ADAMTSL1: variants seen among roughly 807,000 people sequenced by gnomAD.
The protein encoded by ADAMTSL1 is ADAMTS-like protein 1.
In ADAMTSL1, 126 loss-of-function variants were observed where a neutral mutation model predicts 201.8. The observed-to-expected ratio is 0.62, with a 90% CI of 0.54 to 0.72. ADAMTSL1 has a LOEUF of 0.72. Among genes scored for constraint, ADAMTSL1 ranks in the 30% least tolerant of loss-of-function variants. The probability of loss-of-function intolerance (pLI) is 0.00; values close to 1 mark genes in which losing one functional copy is unlikely to be tolerated. For synonymous variants in ADAMTSL1, 1,121 were observed against 903.4 expected (o/e 1.24, Z -4.32); for missense variants, 2,679 against 2,277.8 (o/e 1.18, Z -3.59).
At chr9:17,921,955 A>G (rs1826319232) in intron 1 of ADAMTSL1, among the ~76,000 whole-genome samples, 1 of 152,126 alleles carries the variant, frequency 6.6e-6, no homozygotes, top group East Asian at 1.9e-4. Flanking sequence ...ATTTTATTTT[A>G]TACATTTTGA....
At chr9:18,226,125 C>A (rs1291285488) in intron 2 of ADAMTSL1, among the ~76,000 whole-genome samples, 1 of 152,138 alleles carries the variant, frequency 6.6e-6, no homozygotes, top group African/African-American at 2.4e-5. Context: ...GTCCAACTAG[C>A]AGCAGACAAA....
intron 1 of ADAMTSL1, among the ~76,000 whole-genome samples, chr9:18,062,496 A>G (rs542394915): frequency 4.6e-5 from 7 of 152,296 alleles, no homozygotes; most frequent in South Asian, 4.1e-4. Flanking sequence ...TATTTGGCAA[A>G]TACTTACTAA....
chr9:18,285,271 T>G (rs1357944428), intron 2 of ADAMTSL1, among the ~76,000 whole-genome samples: 1 of 152,172 alleles, frequency 6.6e-6, no homozygotes, highest in African/African-American at 2.4e-5. Flanking sequence ...TTATTGAATT[T>G]TACTATATTC....
chr9:18,142,419 G>T (rs147124491), intron 1 of ADAMTSL1, among the ~76,000 whole-genome samples: 14 of 152,172 alleles, frequency 9.2e-5, no homozygotes, highest in African/African-American at 3.1e-4. Context: ...CATAATATGC[G>T]TTCTTTAAAA....
chr9:18,096,019 G>T (rs1436606675), intron 1 of ADAMTSL1, among the ~76,000 whole-genome samples: 2 of 152,126 alleles, frequency 1.3e-5, no homozygotes, highest in East Asian at 3.9e-4. Context: ...TTCATTTCTG[G>T]TTGTCAGGAG....
At chr9:18,286,092 A>G (rs1203062144) in intron 2 of ADAMTSL1, among the ~76,000 whole-genome samples, 1 of 152,130 alleles carries the variant, frequency 6.6e-6, no homozygotes, top group African/African-American at 2.4e-5. Context: ...AGTACTGTTT[A>G]AATAAGAAAA....
At chr9:18,534,732 A>C (rs533440426) in intron 3 of ADAMTSL1, among the ~76,000 whole-genome samples, 1 of 152,184 alleles carries the variant, frequency 6.6e-6, no homozygotes, top group Non-Finnish European at 1.5e-5. Flanking sequence ...CCAAACCTCA[A>C]TTCTTCTGCA....
chr9:18,716,095 A>G (rs2133387308), intron 14 of ADAMTSL1, among the ~76,000 whole-genome samples: 2 of 151,432 alleles, frequency 1.3e-5, no homozygotes, highest in Non-Finnish European at 3.0e-5. Flanking sequence ...TTCAAGATGG[A>G]TTAAAGACTT....
chr9:18,629,450 A>G (rs1300709431), intron 5 of ADAMTSL1, among the ~76,000 whole-genome samples: 3 of 152,306 alleles, frequency 2.0e-5, no homozygotes, highest in African/African-American at 7.2e-5. Context: ...AGTTAATAAC[A>G]TGAAGGGATG....
At chr9:17,994,451 T>A (rs1362387089) in intron 1 of ADAMTSL1, among the ~76,000 whole-genome samples, 1 of 152,184 alleles carries the variant, frequency 6.6e-6, no homozygotes, top group Non-Finnish European at 1.5e-5. Flanking sequence ...TAAGACATTT[T>A]CATTGGGAAT....
chr9:18,448,542 A>G (rs1820284688), intron 2 of ADAMTSL1, among the ~76,000 whole-genome samples: 1 of 152,250 alleles, frequency 6.6e-6, no homozygotes, highest in Admixed American at 6.5e-5. Context: ...TTTAAAATTC[A>G]TCATCATAAG....
chr9:18,244,096 TGTGTGTGTGTGTGTAC>T lies in ADAMTSL1; in HGVS notation c.207+80130_207+80145del, dbSNP rs780484783. On this transcript the variant is annotated intron_variant, in intron 2 of 29. Coordinates refer to the ADAMTSL1 transcript ENST00000680146. ...ATAGAGAGAAATGATTTTGTGTGTG[TGTGTGTGTGTGTGTAC>T]GTGTGTGTGTGTGTGTGGCCAATTC... Among the ~76,000 whole-genome samples, 637 of 117,246 alleles carry T rather than the reference TGTGTGTGTGTGTGTAC, an allele frequency of 5.4e-3. 2 individuals carry two copies. Among genetic ancestry groups the T allele is most frequent in the Middle Eastern group, 0.034 (8 of 234 alleles). The allele number at this position is 117,246 out of a possible 152,430, so 76.9% of individuals were successfully genotyped here. A position where few individuals can be genotyped will look rare whatever the true frequency, so the allele number is the denominator to read the frequency against.
intron 2 of ADAMTSL1, among the ~76,000 whole-genome samples, chr9:18,531,523 A>G (rs934440230): frequency 6.6e-6 from 1 of 152,194 alleles, no homozygotes; most frequent in Admixed American, 6.5e-5. Flanking sequence ...TTCTATTTTT[A>G]ATGCATAGTA....
At chr9:18,680,096 T>A (rs1308454228) in intron 10 of ADAMTSL1, among the ~76,000 whole-genome samples, 1 of 152,246 alleles carries the variant, frequency 6.6e-6, no homozygotes, top group Non-Finnish European at 1.5e-5. Flanking sequence ...CTTACATTTG[T>A]ATAGAGCTTC....
intron 19 of ADAMTSL1, among the ~76,000 whole-genome samples, chr9:18,778,433 C>G (rs984984873): frequency 1.3e-5 from 2 of 152,280 alleles, no homozygotes; most frequent in South Asian, 4.2e-4. Flanking sequence ...CCCAGTGGGA[C>G]CTGTGATTGA....
At chr9:18,683,931 G>C (rs1357399510) in intron 12 of ADAMTSL1, among the ~76,000 whole-genome samples, 1 of 152,158 alleles carries the variant, frequency 6.6e-6, no homozygotes, top group Non-Finnish European at 1.5e-5. Flanking sequence ...AATGGTGATA[G>C]AGCATCATTG....
chr9:18,743,331 G>T (rs767546435), intron 15 of ADAMTSL1, among the ~76,000 whole-genome samples: 3 of 152,074 alleles, frequency 2.0e-5, no homozygotes, highest in Admixed American at 6.6e-5. Flanking sequence ...AAGGAAGTAG[G>T]TTTAGATGCA....
Position 17,991,764 on chromosome 9 carries a change from A to G in ADAMTSL1, c.87+84842A>G, listed in dbSNP as rs142337206. On this transcript the variant is annotated intron_variant, in intron 1 of 29. Transcript: ENST00000680146. Reference sequence around the variant, plus strand: ...GCCTCAGATTTCACGGTTAGACTGTACACGTGCATCCTTAACTTTCATGTA... The same window carrying G: ...GCCTCAGATTTCACGGTTAGACTGTGCACGTGCATCCTTAACTTTCATGTA... Among the ~76,000 whole-genome samples the G allele has an allele frequency of 5.5e-3, 831 of 152,270 alleles. 6 individuals are homozygous for G. Among genetic ancestry groups the G allele is most frequent in the African/African-American group, 0.019 (771 of 41,558 alleles).
In ADAMTSL1 at chr9:18,283,432, C is replaced by T. The variant is rs111979891; in HGVS notation, c.207+119451C>T. On this transcript the variant is annotated intron_variant, in intron 2 of 29. Coordinates refer to the ADAMTSL1 transcript ENST00000680146. Reference sequence around the variant, plus strand: ...ACAACCTGGTCAACATAGTGAGGCCCCATCTCTATAGAAAATTTTAAAAGT... The same window carrying T: ...ACAACCTGGTCAACATAGTGAGGCCTCATCTCTATAGAAAATTTTAAAAGT... Among the ~76,000 whole-genome samples the T allele has an allele frequency of 7.3e-3, 1,112 of 151,466 alleles. 17 individuals carry two copies. Among genetic ancestry groups the T allele is most frequent in the African/African-American group, 0.026 (1,057 of 41,272 alleles).
Sources: allele counts gnomAD v4.1 joint callset (sites outside exome capture counted in the v4.1 genomes callset), GRCh38; gene constraint gnomAD v4.1.1; transcripts MANE v1.5; gene names NCBI Gene and HGNC (gene_info 2026-07-23, HGNC 2026-07-21).